Variants in NRG3 observed in about 807,000 individuals in gnomAD.
NRG3 encodes the protein neuregulin 3.
Under a neutral mutation model 66.9 loss-of-function variants are expected in NRG3, and 31 were observed. The ratio of observed to expected loss-of-function variants is 0.46; its 90% confidence interval spans 0.35 to 0.63. NRG3 has a LOEUF of 0.63. NRG3 is among the 20% of genes least tolerant of loss of function. NRG3 has a pLI of 0.00. For synonymous variants in NRG3, 393 were observed against 359.4 expected, an observed-to-expected ratio of 1.09 and a Z score of -1.06; for missense variants, 910 against 878.9, an observed-to-expected ratio of 1.04 and a Z score of -0.45.
At chr10:82,201,787 T>G (rs1382307121) in intron 1 of NRG3, among the ~76,000 whole-genome samples, 1 of 152,192 alleles carries the variant, frequency 6.6e-6, no homozygotes, top group East Asian at 1.9e-4. Context: ...AACATTTTAT[T>G]AAGTATCTTT....
intron 1 of NRG3, among the ~76,000 whole-genome samples, chr10:82,107,826 A>G (rs2067160435): frequency 6.6e-6 from 1 of 152,220 alleles, no homozygotes; most frequent in East Asian, 1.9e-4. Flanking sequence ...TGTTTAAAAA[A>G]CAGAGTAAAC....
At chr10:82,431,153 C>T (rs1353218093) in intron 2 of NRG3, among the ~76,000 whole-genome samples, 2 of 152,120 alleles carry the variant, frequency 1.3e-5, no homozygotes, top group Admixed American at 6.5e-5. Context: ...CAATAAATGC[C>T]CTATGAATAG....
chr10:82,557,982 G>C (rs1207208663), intron 2 of NRG3, among the ~76,000 whole-genome samples: 1 of 152,192 alleles, frequency 6.6e-6, no homozygotes, highest in African/African-American at 2.4e-5. Context: ...AGATGAAAGA[G>C]AGGTTTGGAA....
intron 1 of NRG3, among the ~76,000 whole-genome samples, chr10:82,200,999 C>T (rs1390360016): frequency 2.6e-5 from 4 of 151,928 alleles, no homozygotes; most frequent in Admixed American, 2.6e-4. Context: ...AGTTAGAGAC[C>T]AGCCTGGCCA....
intron 1 of NRG3, among the ~76,000 whole-genome samples, chr10:81,976,950 C>G (rs1313871792): frequency 6.6e-6 from 1 of 152,186 alleles, no homozygotes; most frequent in East Asian, 1.9e-4. Context: ...ATTTTTCCTT[C>G]CTCATAATGT....
intron 1 of NRG3, among the ~76,000 whole-genome samples, chr10:82,211,148 T>C (rs959936571): frequency 3.3e-5 from 5 of 152,126 alleles, no homozygotes; most frequent in African/African-American, 1.2e-4. Flanking sequence ...ATAAGAACCT[T>C]CTAAAATGCA....
At position 82,807,325 on chromosome 10, in the gene NRG3, T is replaced by G. The variant is rs550202188; in HGVS notation, c.1028-58086T>G. Among the ~76,000 whole-genome samples the G allele has an allele frequency of 9.8e-5, 15 of 152,340 alleles. No homozygotes were observed. In the South Asian group the frequency reaches 2.7e-3, roughly 27 times the overall value. ...TACTGCATGTTCAATAACATCAATT[T>G]GAGCAAGTAAACTTGCAAGGACTCA... On this transcript the variant is annotated intron_variant, in intron 3 of 8. Transcript: ENST00000372141.
At chr10:82,181,758 T>G (rs1764064) in intron 1 of NRG3, among the ~76,000 whole-genome samples, 114,879 of 151,590 alleles carry the variant, frequency 0.76, 43,717 homozygotes, top group South Asian at 0.85. Context: ...TGATCCATAT[T>G]TGTTTATAAG....
intron 3 of NRG3, among the ~76,000 whole-genome samples, chr10:82,744,972 T>C (rs759918745): frequency 6.6e-6 from 1 of 152,140 alleles, no homozygotes; most frequent in Non-Finnish European, 1.5e-5. Context: ...AGACAGGTGC[T>C]ACTAAGGATT....
chr10:82,439,011 T>C (rs968826137), intron 2 of NRG3, among the ~76,000 whole-genome samples: 2 of 152,140 alleles, frequency 1.3e-5, no homozygotes, highest in Non-Finnish European at 1.5e-5. Flanking sequence ...TATTACTTTC[T>C]GTACATTAAC....
intron 2 of NRG3, among the ~76,000 whole-genome samples, chr10:82,673,122 CA>C (rs2053419509): frequency 6.6e-6 from 1 of 152,180 alleles, no homozygotes; most frequent in Non-Finnish European, 1.5e-5. Context: ...TCAATTGCTG[CA>C]GTGTGAGTGA....
intron 2 of NRG3, among the ~76,000 whole-genome samples, chr10:82,424,399 G>A (rs994231086): frequency 6.6e-6 from 1 of 151,938 alleles, no homozygotes; most frequent in Non-Finnish European, 1.5e-5. Context: ...CTTGATGAAT[G>A]ATAATGAGCA....
In NRG3 at chr10:81,894,841, C is replaced by T. The variant is rs553442881; in HGVS notation, c.823+18678C>T. ...TATGCTGCTCTGCACCTGGGCCTTG[C>T]GACAGCCGCTGCCTCCAACCACCAC... On this transcript the variant is annotated intron_variant, in intron 1 of 8. Transcript: ENST00000372141. Among the ~76,000 whole-genome samples, 11 of 152,232 alleles carry T rather than the reference C, an allele frequency of 7.2e-5. No individual in the cohort carries two copies. The South Asian group carries it at 1.2e-3, about 17-fold the overall frequency.
At chr10:82,585,729 T>G (rs2046630548) in intron 2 of NRG3, among the ~76,000 whole-genome samples, 1 of 152,190 alleles carries the variant, frequency 6.6e-6, no homozygotes, top group Non-Finnish European at 1.5e-5. Flanking sequence ...ATCTGTAAAT[T>G]TAGCATAATG....
chr10:82,740,135 C>CTTCCCTTCCTCCCTCT (rs376672668), intron 3 of NRG3, among the ~76,000 whole-genome samples: 12,182 of 149,060 alleles, frequency 0.082, 689 homozygotes, highest in African/African-American at 0.14. Flanking sequence ...TATAATACTT[C>CTTCCCTTCCTCCCTCT]TTCCCTTCCT....
At chr10:82,946,947 T>C (rs1391241283) in intron 4 of NRG3, among the ~76,000 whole-genome samples, 1 of 152,154 alleles carries the variant, frequency 6.6e-6, no homozygotes, top group Non-Finnish European at 1.5e-5. Context: ...AGGATTAATA[T>C]TTTTGCAGCT....
intron 1 of NRG3, among the ~76,000 whole-genome samples, chr10:82,262,323 C>T (rs1001263142): frequency 1.3e-5 from 2 of 152,066 alleles, no homozygotes; most frequent in South Asian, 2.1e-4. Context: ...TTTTATGCTT[C>T]GATTTGGGAC....
At chr10:82,714,262 G>C (rs1234055672) in intron 2 of NRG3, among the ~76,000 whole-genome samples, 1 of 151,632 alleles carries the variant, frequency 6.6e-6, no homozygotes, top group African/African-American at 2.4e-5. Context: ...ACTCTCTTAG[G>C]ATTTATCAAG....
intron 2 of NRG3, among the ~76,000 whole-genome samples, chr10:82,454,728 C>T (rs932507569): frequency 6.6e-6 from 1 of 152,130 alleles, no homozygotes; most frequent in Non-Finnish European, 1.5e-5. Flanking sequence ...GGTGATATCT[C>T]TTTGATTTCA....
Sources: allele counts gnomAD v4.1 joint callset (sites outside exome capture counted in the v4.1 genomes callset), GRCh38; gene constraint gnomAD v4.1.1; transcripts MANE v1.5; gene names NCBI Gene and HGNC (gene_info 2026-07-23, HGNC 2026-07-21).